Variants in HHIPL2 observed in about 807,000 individuals in gnomAD.
HHIPL2 encodes the protein HHIP-like protein 2.
HHIPL2 carries 61 observed loss-of-function variants against 61.0 expected under a neutral mutation model. That is an observed-to-expected ratio of 1.00 (90% CI 0.81 to 1.24). The LOEUF (loss-of-function observed/expected upper bound fraction) is 1.24. Among genes scored for constraint, HHIPL2 ranks in the 50% most tolerant of loss-of-function variants. The pLI is 0.00. For missense variants in HHIPL2, 885 were observed against 910.2 expected, an observed-to-expected ratio of 0.97 and a Z score of 0.36; for synonymous variants, 343 against 357.4, an observed-to-expected ratio of 0.96 and a Z score of 0.45.
Position 222,522,624 on chromosome 1 carries a change from G to C in HHIPL2, c.2152C>G (p.Arg718Gly). Reference protein sequence around the residue: ...GRMRPSAEQKRAGRSLP With the variant: ...GRMRPSAEQKGAGRSLP Reference sequence around the variant, plus strand: ...GGTCAAGGGAGACTTCTGCCAGCTCGCTTCTGCTCTGCTGATGGCCTCATC... The same window carrying C: ...GGTCAAGGGAGACTTCTGCCAGCTCCCTTCTGCTCTGCTGATGGCCTCATC... Residue 718 changes from arginine (R) to glycine (G), a missense_variant, in exon 9 of 9, where the codon CGA (arginine) becomes GGA (glycine). Physicochemically the swap from Arg to Gly is moderately radical, Grantham distance 125. Transcript: ENST00000343410. 1 of 1,613,500 alleles carries C rather than the reference G, an allele frequency of 6.2e-7. No homozygotes were observed.
At position 222,547,819 on chromosome 1, in the gene HHIPL2, G is replaced by T. The variant is rs375371391; in HGVS notation, c.226C>A (p.Arg76Ser). ...SFGCCDQHKD[R>S]RIAARYWDIM... ...TCCCAGTACCGGGCAGCGATGCGGC[G>T]GTCCTTGTGCTGATCACAGCAGCCG... The change falls in exon 1 of 9, where the codon CGC becomes AGC. Residue 76 changes from arginine (R) to serine (S), a missense_variant. Transcript: ENST00000343410. 1.9e-6 allele frequency: 3 copies of T among 1,614,040 alleles called. No homozygotes were observed. In the African/African-American group the frequency reaches 4.0e-5, roughly 22 times the overall value.
chr1:222,528,902 C>T (rs1208375478), intron 6 of HHIPL2, among the ~76,000 whole-genome samples: 1 of 149,610 alleles, frequency 6.7e-6, no homozygotes, highest in African/African-American at 2.5e-5. Context: ...CTCACTGTAG[C>T]CTCAACCTCC....
At chr1:222,526,011 TA>T (rs1368508667) in intron 7 of HHIPL2, among the ~76,000 whole-genome samples, 4 of 151,004 alleles carry the variant, frequency 2.6e-5, no homozygotes, top group African/African-American at 9.7e-5. Context: ...AAATAAAAAA[TA>T]AAAAATAAAA....
At chr1:222,545,815 A>G (rs978997312) in intron 1 of HHIPL2, among the ~76,000 whole-genome samples, 1 of 151,908 alleles carries the variant, frequency 6.6e-6, no homozygotes, top group Non-Finnish European at 1.5e-5. Context: ...CAGATCACCT[A>G]AGGTCAGGAG....
At chr1:222,531,702 GGCGCC>G (rs1233903994) in intron 6 of HHIPL2, among the ~76,000 whole-genome samples, 1 of 151,930 alleles carries the variant, frequency 6.6e-6, no homozygotes, top group Non-Finnish European at 1.5e-5. Context: ...AAGCCGAGAT[GGCGCC>G]GCAGACAGAG....
chr1:222,541,627 C>T (rs76830962), intron 3 of HHIPL2, among the ~76,000 whole-genome samples: 5,361 of 152,216 alleles, frequency 0.035, 573 homozygotes, highest in East Asian at 0.26. Flanking sequence ...GCACCCAATA[C>T]ACATTGGCTC....
chr1:222,530,699 ACT>A (rs1659167278), intron 6 of HHIPL2, among the ~76,000 whole-genome samples: 1 of 151,244 alleles, frequency 6.6e-6, no homozygotes, highest in Admixed American at 6.6e-5. Flanking sequence ...ATCCTTTGAG[ACT>A]CTGGTTTATA....
At chr1:222,530,348 G>A (rs1659161744) in intron 6 of HHIPL2, among the ~76,000 whole-genome samples, 1 of 152,144 alleles carries the variant, frequency 6.6e-6, no homozygotes, top group Non-Finnish European at 1.5e-5. Context: ...GGACACAGGG[G>A]TGTCCGGCAG....
intron 7 of HHIPL2, among the ~76,000 whole-genome samples, chr1:222,525,436 AC>A (rs1659041911): frequency 6.6e-6 from 1 of 151,630 alleles, no homozygotes; most frequent in Non-Finnish European, 1.5e-5. Context: ...TCCACACATC[AC>A]CCCGGGGAAC....
At chr1:222,545,845 A>G (rs1659542309) in intron 1 of HHIPL2, among the ~76,000 whole-genome samples, 2 of 152,038 alleles carry the variant, frequency 1.3e-5, no homozygotes, top group Non-Finnish European at 2.9e-5. Context: ...AGCCTGGCCA[A>G]CATGGTGAAA....
intron 6 of HHIPL2, among the ~76,000 whole-genome samples, chr1:222,529,305 C>T (rs1325979463): frequency 6.6e-6 from 1 of 152,184 alleles, no homozygotes; most frequent in East Asian, 1.9e-4. Context: ...AGGGCACACC[C>T]TCCTTTAGAG....
chr1:222,528,601 A>G (rs1293252227), intron 6 of HHIPL2, among the ~76,000 whole-genome samples: 1 of 151,102 alleles, frequency 6.6e-6, no homozygotes, highest in Non-Finnish European at 1.5e-5. Context: ...ACAGAGCGAG[A>G]CTCCGTCTCA....
In HHIPL2 at chr1:222,547,914, TG is replaced by T. The variant is rs1659591592; in HGVS notation, c.130del (p.Gln44SerfsTer48). ...GQVGLLQGHPQCLDYGPPFQP... is the reference protein window; with the variant it reads ...GQVGLLQGHPXCLDYGPPFQP... ...GAAAGGGGGCCCGTAATCCAGGCACTGGGGGTGTCCCTGCAGCAAGCCCACC... is the reference window on the plus strand; with the variant it reads ...GAAAGGGGGCCCGTAATCCAGGCACTGGGGTGTCCCTGCAGCAAGCCCACC... On this transcript the variant is annotated frameshift_variant, in exon 1 of 9. Transcript: ENST00000343410. LOFTEE classifies it high-confidence loss of function. 6.2e-7 allele frequency: 1 copy of T among 1,613,168 alleles called. No homozygotes were observed. The highest frequency in any genetic ancestry group is 8.5e-7 in the Non-Finnish European group (1 of 1,179,334).
rs1659202868 is a variant in HHIPL2 at position 222,532,032 on chromosome 1, A to G, written c.1657T>C (p.Cys553Arg). Reference sequence around the variant, plus strand: ...GTGCTGATCAGCCCTGGGAAGGCACAGGACGTGGTGCTGCCCAGGCAAAGA... The same window carrying G: ...GTGCTGATCAGCCCTGGGAAGGCACGGGACGTGGTGCTGCCCAGGCAAAGA... Reference protein sequence around the residue: ...QDLCLGSTTSCAFPGLISTHS... With the variant: ...QDLCLGSTTSRAFPGLISTHS... Residue 553 changes from cysteine (C) to arginine (R), a missense_variant, in exon 6 of 9, where the codon TGT becomes CGT. Physicochemically the swap from Cys to Arg is radical, Grantham distance 180 (BLOSUM62 -3). Transcript: ENST00000343410. The G allele has an allele frequency of 2.0e-5, 32 of 1,613,842 alleles. No homozygotes were observed. The highest frequency in any genetic ancestry group is 1.6e-4 in the Middle Eastern group (1 of 6,062).
In HHIPL2 at chr1:222,540,356, G is replaced by A; in HGVS notation, c.1119-15C>T. 1 of 1,589,494 alleles carries A rather than the reference G, an allele frequency of 6.3e-7. No individual in the cohort carries two copies. Among genetic ancestry groups the A allele is most frequent in the East Asian group, 2.2e-5 (1 of 44,664 alleles). On this transcript the variant is annotated splice_polypyrimidine_tract_variant and intron_variant, in intron 3 of 8. Transcript: ENST00000343410. ...GCAGGGAACTTCTGAAAGAAAGAAG[G>A]CCAAGAAGCAGAATGAGGTAAGCAA...
chr1:222,546,687 G>A (rs1659562686), intron 1 of HHIPL2, among the ~76,000 whole-genome samples: 1 of 152,208 alleles, frequency 6.6e-6, no homozygotes, highest in African/African-American at 2.4e-5. Context: ...GTGGAGTGGT[G>A]TCTAAGAGGA....
At chr1:222,541,753 G>A (rs1659437380) in intron 3 of HHIPL2, among the ~76,000 whole-genome samples, 1 of 152,048 alleles carries the variant, frequency 6.6e-6, no homozygotes. Flanking sequence ...ATAATGACCT[G>A]CTAATATATA....
At chr1:222,532,592 G>C (rs2102614152) in intron 5 of HHIPL2, among the ~76,000 whole-genome samples, 1 of 149,854 alleles carries the variant, frequency 6.7e-6, no homozygotes, top group African/African-American at 2.5e-5. Flanking sequence ...CTCCAGCCTG[G>C]GTGACAGAGC....
chr1:222,545,132 G>T (rs1029211376), intron 1 of HHIPL2, among the ~76,000 whole-genome samples: 1 of 152,142 alleles, frequency 6.6e-6, no homozygotes, highest in African/African-American at 2.4e-5. Context: ...AAAGACAGAG[G>T]CAACTGAGAT....
Sources: gnomAD v4.1 joint callset for allele counts (sites outside exome capture counted in the v4.1 genomes callset) on GRCh38, gnomAD v4.1.1 for gene constraint, MANE v1.5 for transcripts, NCBI Gene and HGNC (gene_info 2026-07-23, HGNC 2026-07-21) for gene names.